ACLY: variants seen among roughly 807,000 people sequenced by gnomAD.
ACLY encodes the protein ATP citrate lyase, also known as ATP-citrate synthase.
ACLY carries 41 observed loss-of-function variants against 133.0 expected under a neutral mutation model. The ratio of observed to expected loss-of-function variants is 0.31; its 90% CI spans 0.24 to 0.40. The LOEUF is 0.40. Among genes scored for constraint, ACLY ranks in the 10% least tolerant of loss-of-function variants. The pLI, the probability that ACLY is intolerant of heterozygous loss-of-function variation, is 1.00. For synonymous variants in ACLY, 495 were observed against 549.3 expected, an observed-to-expected ratio of 0.90 and a Z score of 1.38; for missense variants, 1,046 against 1,453.8, an observed-to-expected ratio of 0.72 and a Z score of 4.56.
intron 26 of ACLY, 93 bp from the exon 27 acceptor site, chr17:41,869,218 C>A: frequency 8.4e-7 from 1 of 1,191,804 alleles, no homozygotes; most frequent in Non-Finnish European, 1.2e-6. Context: ...CGAATTGTGA[C>A]CATCATTTAA....
At chr17:41,869,858 G>A (rs782552358) in intron 25 of ACLY, among the ~76,000 whole-genome samples, 1 of 152,156 alleles carries the variant, frequency 6.6e-6, no homozygotes, top group East Asian at 1.9e-4. Flanking sequence ...GATGTTCAGG[G>A]AACTGGCCAG....
At chr17:41,912,382 T>C in intron 3 of ACLY, 38 bp downstream of exon 3, 1 of 1,605,202 alleles carries the variant, frequency 6.2e-7, no homozygotes, top group South Asian at 1.1e-5. Context: ...TTTGCTTCTG[T>C]TACCACACAC....
chr17:41,878,300 T>C (rs1555626533), intron 21 of ACLY, 104 bp from the exon 22 acceptor site: 5 of 691,796 alleles, frequency 7.2e-6, no homozygotes, highest in Non-Finnish European at 1.1e-5. Context: ...GTAGGTTTCT[T>C]AGTTTACTCT....
At chr17:41,919,643 C>G (rs782498812), upstream of ACLY, among the ~76,000 whole-genome samples, 3 of 152,220 alleles carry the variant, frequency 2.0e-5, no homozygotes, top group Non-Finnish European at 4.4e-5. Flanking sequence ...CTCACCTGCT[C>G]GCCTCAGCAC....
At chr17:41,893,548 TTTAAAGTCA>T (rs1426353514) in intron 14 of ACLY, among the ~76,000 whole-genome samples, 3 of 152,206 alleles carry the variant, frequency 2.0e-5, no homozygotes, top group Non-Finnish European at 4.4e-5. Flanking sequence ...ACAAATTATT[TTTAAAGTCA>T]TTGGAAAAAA....
intron 16 of ACLY, among the ~76,000 whole-genome samples, chr17:41,890,907 G>A (rs893448668): frequency 5.3e-5 from 8 of 149,614 alleles, no homozygotes; most frequent in Non-Finnish European, 8.9e-5. Context: ...TCAGAAGGCT[G>A]AGGCACGAGA....
chr17:41,887,022 G>A (rs1257508508), intron 17 of ACLY, among the ~76,000 whole-genome samples: 4 of 151,394 alleles, frequency 2.6e-5, no homozygotes, highest in Non-Finnish European at 5.9e-5. Flanking sequence ...TCCTCGGGAG[G>A]CTGAGGCAGG....
In ACLY at chr17:41,909,017, G is replaced by C; in HGVS notation, c.588C>G (p.Tyr196Ter). 1.2e-6 allele frequency: 2 copies of C among 1,613,520 alleles called. No individual in the cohort carries two copies. The highest frequency in any genetic ancestry group is 1.3e-5 in the African/African-American group (1 of 75,016). ...GGGGATTGATCTCGAGGTAGGTGAAGTACAAGTCCTCGTAGAAATTGAAGA... is the reference window on the plus strand; with the variant it reads ...GGGGATTGATCTCGAGGTAGGTGAACTACAAGTCCTCGTAGAAATTGAAGA... ...SGLFNFYEDL[Y>*]FTYLEINPLV... The change falls in exon 6 of 29, where the codon TAC becomes TAG. Residue 196 changes from tyrosine to a stop codon, truncating the protein, a stop_gained. Coordinates refer to ENST00000352035, the MANE Select transcript of ACLY (RefSeq NM_001096.3). LOFTEE classifies it high-confidence loss of function.
intron 20 of ACLY, among the ~76,000 whole-genome samples, chr17:41,881,163 C>T (rs1555627258): frequency 6.6e-6 from 1 of 151,660 alleles, no homozygotes; most frequent in Non-Finnish European, 1.5e-5. Context: ...GGTGCGGTAA[C>T]TCACGGCTGT....
chr17:41,913,689 A>C (rs1555634023), intron 2 of ACLY, 26 bp downstream of exon 2: 6 of 1,609,734 alleles, frequency 3.7e-6, no homozygotes, highest in Non-Finnish European at 4.2e-6. Context: ...CCTGGAAGAA[A>C]GGCCCAAAGT....
intron 1 of ACLY, among the ~76,000 whole-genome samples, chr17:41,917,114 G>A (rs1555634682): frequency 7.9e-6 from 1 of 126,324 alleles, no homozygotes; most frequent in East Asian, 2.3e-4. Context: ...CCAGCCTGCC[G>A]ACAGAGCAAG....
chr17:41,876,298 C>T (rs1180223785), intron 22 of ACLY, among the ~76,000 whole-genome samples: 1 of 149,706 alleles, frequency 6.7e-6, no homozygotes, highest in Admixed American at 6.6e-5. Flanking sequence ...GTGGGGGGGT[C>T]AGCCCCCCGC....
intron 8 of ACLY, 22 bp from the exon 9 acceptor site, chr17:41,905,680 G>A: frequency 1.2e-6 from 2 of 1,614,144 alleles, no homozygotes; most frequent in Non-Finnish European, 1.7e-6. Flanking sequence ...ACAGAAGTCA[G>A]TGATGGCTCT....
intron 10 of ACLY, 78 bp downstream of exon 10, chr17:41,904,651 A>C: frequency 7.0e-7 from 1 of 1,426,332 alleles, no homozygotes; most frequent in Non-Finnish European, 9.8e-7. Flanking sequence ...CTCTGGCTCA[A>C]ACTCTGCTTT....
Position 41,884,257 on chromosome 17 carries a change from A to C in ACLY, c.2090T>G (p.Phe697Cys). 1.2e-6 allele frequency: 2 copies of C among 1,611,792 alleles called. No homozygotes were observed. Among genetic ancestry groups the C allele is most frequent in the Non-Finnish European group, 1.7e-6 (2 of 1,177,970 alleles). ...CTGATAGCGTAACACATGATCCATGAATGTGGAGCCCGGGTACCTGTTGAG... is the reference window on the plus strand; with the variant it reads ...CTGATAGCGTAACACATGATCCATGCATGTGGAGCCCGGGTACCTGTTGAG... ...IGGDRYPGST[F>C]MDHVLRYQDT... The change falls in exon 19 of 29, where the codon TTC becomes TGC. Residue 697 changes from phenylalanine to cysteine, a missense_variant. Phe to Cys is a radical substitution (Grantham distance 205). Transcript: ENST00000352035.
At chr17:41,868,670 TTA>T in intron 28 of ACLY, 37 bp downstream of exon 28, 1 of 1,574,084 alleles carries the variant, frequency 6.4e-7, no homozygotes, top group Non-Finnish European at 8.7e-7. Flanking sequence ...ACCGTGGGGT[TTA>T]AAAAAAAACA....
chr17:41,873,970 G>A lies in ACLY; in HGVS notation c.2488-5C>T, dbSNP rs1210632434. On this transcript the variant is annotated splice_region_variant and splice_polypyrimidine_tract_variant and intron_variant, in intron 22 of 28. Transcript: ENST00000352035. ...TTTGCGGATCAAACCAAGCTCCTGGGCAGAGATGGGGAAGAGGGAAGCAGG... is the reference window on the plus strand; with the variant it reads ...TTTGCGGATCAAACCAAGCTCCTGGACAGAGATGGGGAAGAGGGAAGCAGG... 6.3e-7 allele frequency: 1 copy of A among 1,590,266 alleles called. No individual in the cohort carries two copies. Among genetic ancestry groups the A allele is most frequent in the Admixed American group, 1.7e-5 (1 of 58,726 alleles).
At position 41,869,108 on chromosome 17, in the gene ACLY, C is replaced by G. The variant is rs1555624562; in HGVS notation, c.3069G>C (p.Leu1023=). The G allele has an allele frequency of 6.2e-7, 1 of 1,613,654 alleles. No homozygotes were observed. Among genetic ancestry groups the G allele is most frequent in the Non-Finnish European group, 8.5e-7 (1 of 1,179,898 alleles). ...ITTSKKPNLI[L]NVDGLIGVAF... The stretch of plus-strand genomic sequence containing the variant: ...CGACTCCGATGAGACCATCTACATT[C>G]AGGATAAGATTTGGCTTCTGGGAAG... The change falls in exon 27 of 29, where the codon CTG becomes CTC. Residue 1023 remains leucine (L), a synonymous_variant. Coordinates refer to ENST00000352035, the MANE Select transcript of ACLY (RefSeq NM_001096.3).
At chr17:41,867,931 T>G in intron 28 of ACLY, 27 bp from the exon 29 acceptor site, 1 of 1,529,344 alleles carries the variant, frequency 6.5e-7, no homozygotes, top group South Asian at 1.1e-5. Context: ...ACATCTTTTT[T>G]ATTAGAGCTT....
Sources: gnomAD v4.1 joint callset for allele counts (sites outside exome capture counted in the v4.1 genomes callset) on GRCh38, gnomAD v4.1.1 for gene constraint, MANE v1.5 for transcripts, NCBI Gene and HGNC (gene_info 2026-07-23, HGNC 2026-07-21) for gene names.